Variants in IGF2R observed in about 807,000 individuals in gnomAD.
IGF2R encodes the protein insulin like growth factor 2 receptor.
A neutral mutation model predicts 270.6 loss-of-function variants in IGF2R; 91 were observed. The ratio of observed to expected loss-of-function variants is 0.34; its 90% CI spans 0.28 to 0.40. The LOEUF (loss-of-function observed/expected upper bound fraction) is 0.40. IGF2R is among the 10% of genes least tolerant of loss of function. The probability of loss-of-function intolerance (pLI) is 1.00; values close to 1 mark genes in which losing one functional copy is unlikely to be tolerated. For synonymous variants in IGF2R, 1,316 were observed against 1,258.9 expected, an observed-to-expected ratio of 1.05 and a Z score of -0.96; for missense variants, 2,805 against 3,188.3, an observed-to-expected ratio of 0.88 and a Z score of 2.90.
chr6:160,100,894 G>A (rs1464990858), intron 45 of IGF2R, among the ~76,000 whole-genome samples: 1 of 149,512 alleles, frequency 6.7e-6, no homozygotes, highest in Non-Finnish European at 1.5e-5. Flanking sequence ...AGATTCAAGT[G>A]ATTCTCATGC....
chr6:159,981,498 T>TC (rs1319487177), intron 1 of IGF2R, among the ~76,000 whole-genome samples: 1 of 152,156 alleles, frequency 6.6e-6, no homozygotes, highest in African/African-American at 2.4e-5. Context: ...CCCAGCCAAC[T>TC]CACCTTTTTT....
intron 4 of IGF2R, among the ~76,000 whole-genome samples, chr6:160,011,822 C>T (rs1398188343): frequency 6.6e-6 from 1 of 152,122 alleles, no homozygotes; most frequent in Admixed American, 6.5e-5. Flanking sequence ...AGGGAATTTC[C>T]TGTTCTCACC....
At chr6:160,014,363 T>C (rs1777236472) in intron 4 of IGF2R, among the ~76,000 whole-genome samples, 1 of 152,222 alleles carries the variant, frequency 6.6e-6, no homozygotes, top group Non-Finnish European at 1.5e-5. Context: ...TCTCCATTGC[T>C]GTGTTTGCTG....
At chr6:159,987,427 T>C (rs57509393) in intron 1 of IGF2R, among the ~76,000 whole-genome samples, 1,640 of 152,354 alleles carry the variant, frequency 0.011, 28 homozygotes, top group African/African-American at 0.038. Flanking sequence ...AGTCTCGCTG[T>C]GTTGCCCAGG....
At chr6:159,976,346 T>C (rs933303296) in intron 1 of IGF2R, among the ~76,000 whole-genome samples, 2 of 152,164 alleles carry the variant, frequency 1.3e-5, no homozygotes, top group South Asian at 4.1e-4. Flanking sequence ...TAGCTCTAGG[T>C]AAATTTTTAA....
At position 160,089,146 on chromosome 6, in the gene IGF2R, C is replaced by A; in HGVS notation, c.6360C>A (p.Asp2120Glu). ...GCTGCACTTACTACTTCAGCTGGGA[C>A]TCCCGGGCTGCCTGCGCCGTGAAGC... Reference protein sequence around the residue: ...IDSCTYYFSWDSRAACAVKPQ... With the variant: ...IDSCTYYFSWESRAACAVKPQ... The change falls in exon 43 of 48, where the codon GAC becomes GAA. Residue 2120 changes from aspartate (D) to glutamate (E), a missense_variant. By Grantham distance (45) the Asp-to-Glu change is conservative. Transcript: ENST00000356956. 6.2e-7 allele frequency: 1 copy of A among 1,614,104 alleles called. No homozygotes were observed. Among genetic ancestry groups the A allele is most frequent in the Non-Finnish European group, 8.5e-7 (1 of 1,179,944 alleles).
At chr6:160,094,968 C>T (rs560056682) in intron 44 of IGF2R, 3 of 151,160 alleles carry the variant, frequency 2.0e-5, no homozygotes, top group South Asian at 2.1e-4. Context: ...CAACACTTCT[C>T]TCGGGAGTAT....
chr6:159,997,978 T>C (rs1562337139), intron 2 of IGF2R, among the ~76,000 whole-genome samples: 1 of 152,188 alleles, frequency 6.6e-6, no homozygotes, highest in Non-Finnish European at 1.5e-5. Flanking sequence ...CCATCCAGAC[T>C]GAAAAACCTG....
intron 43 of IGF2R, among the ~76,000 whole-genome samples, chr6:160,089,687 A>G (rs1779175667): frequency 6.6e-6 from 1 of 152,246 alleles, no homozygotes; most frequent in South Asian, 2.1e-4. Context: ...AAGGTGGATT[A>G]GCACTCAGAG....
intron 29 of IGF2R, among the ~76,000 whole-genome samples, chr6:160,066,875 C>T (rs1188071731): frequency 1.3e-5 from 2 of 152,228 alleles, no homozygotes; most frequent in African/African-American, 4.8e-5. Context: ...CTTCAGGCAG[C>T]TTTCCCTTCC....
intron 4 of IGF2R, among the ~76,000 whole-genome samples, chr6:160,018,172 T>C (rs1477285611): frequency 2.0e-5 from 3 of 152,016 alleles, no homozygotes; most frequent in African/African-American, 7.3e-5. Context: ...GAAAAAGATA[T>C]TCCAGGCAAA....
chr6:160,053,470 A>T (rs1343869097), intron 19 of IGF2R, among the ~76,000 whole-genome samples: 1 of 152,132 alleles, frequency 6.6e-6, no homozygotes, highest in Non-Finnish European at 1.5e-5. Flanking sequence ...GAGGTAGAGG[A>T]GGTGAGTGGG....
intron 3 of IGF2R, chr6:160,010,444 GGGC>G (rs1260340425): frequency 1.8e-5 from 7 of 389,662 alleles, no homozygotes; most frequent in Non-Finnish European, 3.3e-5. Flanking sequence ...TGCACAGCTG[GGGC>G]GGTAGAATTC....
At chr6:160,093,981 C>T in intron 44 of IGF2R, 1 of 671,494 alleles carries the variant, frequency 1.5e-6, no homozygotes, top group South Asian at 1.4e-5. Context: ...AAATGAGCAT[C>T]TGATTTCTTC....
intron 10 of IGF2R, among the ~76,000 whole-genome samples, chr6:160,036,739 G>GA (rs1777835461): frequency 2.6e-5 from 4 of 151,134 alleles, no homozygotes; most frequent in African/African-American, 7.3e-5. Flanking sequence ...ACACAGGAGA[G>GA]AAAAACCAAA....
chr6:160,070,286 T>C (rs1048666979), intron 31 of IGF2R, among the ~76,000 whole-genome samples: 3 of 152,188 alleles, frequency 2.0e-5, no homozygotes, highest in African/African-American at 4.8e-5. Flanking sequence ...CGACTCAGAA[T>C]TGGTTCTCTT....
chr6:160,093,342 CTT>C (rs1779273217), intron 44 of IGF2R: 1 of 255,128 alleles, frequency 3.9e-6, no homozygotes, highest in Admixed American at 4.8e-5. Context: ...GGCCAGCCCT[CTT>C]TTTGGGCAAG....
rs1562350411 is a variant in IGF2R, at chr6:160,032,724, G to A, written c.1045+11G>A. The A allele has an allele frequency of 1.2e-6, 2 of 1,612,650 alleles. No individual in the cohort carries two copies. The highest frequency in any genetic ancestry group is 4.5e-5 in the East Asian group (2 of 44,884). On this transcript the variant is annotated intron_variant, in intron 8 of 47. Coordinates refer to ENST00000356956, the MANE Select transcript of IGF2R (RefSeq NM_000876.4). ...TTGCCCAGAGCGGAGGTAAGCAGGT[G>A]CTTTCTGCCTCCTGGCGCTGCTTAG...
intron 10 of IGF2R, among the ~76,000 whole-genome samples, chr6:160,036,922 C>G (rs777077230): frequency 9.9e-5 from 15 of 152,150 alleles, no homozygotes; most frequent in Non-Finnish European, 1.6e-4. Context: ...CCCAGATGAG[C>G]TGAGGCTTGA....
Sources: allele counts gnomAD v4.1 joint callset (sites outside exome capture counted in the v4.1 genomes callset), GRCh38; gene constraint gnomAD v4.1.1; transcripts MANE v1.5; gene names NCBI Gene and HGNC (gene_info 2026-07-23, HGNC 2026-07-21).